The following PKHD1L1 variants were observed in gnomAD, a reference collection of about 807,000 sequenced individuals.
PKHD1L1 encodes the protein PKHD1 like 1.
A neutral mutation model predicts 462.9 loss-of-function variants in PKHD1L1; 434 were observed. The ratio of observed to expected loss-of-function variants is 0.94; its 90% CI spans 0.87 to 1.02. PKHD1L1 has a LOEUF of 1.02. PKHD1L1 is among the 50% of genes least tolerant of loss of function. The pLI is 0.00. For missense variants in PKHD1L1, 5,202 were observed against 5,096.1 expected, an observed-to-expected ratio of 1.02 and a Z score of -0.63; for synonymous variants, 1,781 against 1,750.0, an observed-to-expected ratio of 1.02 and a Z score of -0.44.
rs1242506450 is a variant in PKHD1L1, at chr8:109,451,150, G to T, written c.6350+1G>T. 6.3e-7 allele frequency: 1 copy of T among 1,598,452 alleles called. No homozygotes were observed. Among genetic ancestry groups the T allele is most frequent in the African/African-American group, 1.3e-5 (1 of 74,632 alleles). ...TGACAGTCGTGGGATCAGGATTCAG[G>T]TACTGTCTCCACACAAACACGCATC... On this transcript the variant is annotated splice_donor_variant, in intron 41 of 77. Coordinates refer to ENST00000378402, the MANE Select transcript of PKHD1L1 (RefSeq NM_177531.6). LOFTEE classifies it high-confidence loss of function.
chr8:109,517,349 CCTT>C (rs747620683), intron 72 of PKHD1L1, among the ~76,000 whole-genome samples: 10 of 151,994 alleles, frequency 6.6e-5, no homozygotes, highest in Non-Finnish European at 8.8e-5. Context: ...CTGTGAAATT[CCTT>C]CTTCTTCCTA....
intron 21 of PKHD1L1, among the ~76,000 whole-genome samples, chr8:109,415,860 AAGG>A (rs369157150): frequency 0.14 from 13,614 of 95,000 alleles, 820 homozygotes; most frequent in East Asian, 0.32. Context: ...AAAAAAAAAA[AAGG>A]GGTGTGTGTG....
chr8:109,485,481 G>A (rs1350560462), intron 58 of PKHD1L1, among the ~76,000 whole-genome samples: 1 of 151,944 alleles, frequency 6.6e-6, no homozygotes, highest in African/African-American at 2.4e-5. Context: ...GAAATTTGAG[G>A]ATCCTTGATC....
intron 31 of PKHD1L1, 35 bp downstream of exon 31, chr8:109,438,491 C>T (rs1470169953): frequency 6.7e-7 from 1 of 1,502,090 alleles, no homozygotes; most frequent in Non-Finnish European, 8.9e-7. Flanking sequence ...GTCATTTGTC[C>T]TATGTATAAA....
At position 109,464,962 on chromosome 8, in the gene PKHD1L1, C is replaced by T. The variant is rs770989608; in HGVS notation, c.8130C>T (p.Val2710=). 5 of 1,613,774 alleles carry T rather than the reference C, an allele frequency of 3.1e-6. No homozygotes were observed. Among genetic ancestry groups the T allele is most frequent in the South Asian group, 2.2e-5 (2 of 91,086 alleles). Residue 2710 remains valine, a synonymous_variant, in exon 49 of 78, where the codon GTC becomes GTT. Coordinates refer to ENST00000378402, the MANE Select transcript of PKHD1L1 (RefSeq NM_177531.6). ...CGGTGATTAAAAATGCCAAAATAGT[C>T]GGCCATCTTGATGAACTGGGAATGG... ...NGAVIKNAKI[V]GHLDELGMGS... is the part of the protein sequence containing the mutation.
chr8:109,382,857 G>T (rs2130424022), intron 4 of PKHD1L1, among the ~76,000 whole-genome samples: 2 of 150,006 alleles, frequency 1.3e-5, no homozygotes, highest in South Asian at 2.1e-4. Context: ...TCTACTCTTA[G>T]TGTGATTCTC....
At chr8:109,522,407 A>T in intron 74 of PKHD1L1, 70 bp downstream of exon 74, 3 of 1,381,572 alleles carry the variant, frequency 2.2e-6, no homozygotes, top group East Asian at 2.5e-5. Context: ...TCTTATTTTA[A>T]CTCTCTGTTT....
At chr8:109,394,194 A>AAAAAAAAAAAAAAAAAAAAAAAAAAAAAG (rs1812849459) in intron 9 of PKHD1L1, among the ~76,000 whole-genome samples, 1 of 142,146 alleles carries the variant, frequency 7.0e-6, no homozygotes, top group African/African-American at 2.5e-5. Context: ...AAAAAAAAAA[A>AAAAAAAAAAAAAAAAAAAAAAAAAAAAAG]AAAGAAATCA....
chr8:109,534,847 G>A lies in PKHD1L1; in HGVS notation c.*4757G>A, dbSNP rs533597087. On this transcript the variant is annotated 3_prime_UTR_variant, in exon 78 of 78. Coordinates refer to ENST00000378402, the MANE Select transcript of PKHD1L1 (RefSeq NM_177531.6). ...AATTCCATCATTCTGAAATTAGAAA[G>A]ATGGTCATGGAGAAACTGTTCTAAG... Among the ~76,000 whole-genome samples, 1 of 152,142 alleles carries A rather than the reference G, an allele frequency of 6.6e-6. No homozygotes were observed. Among genetic ancestry groups the A allele is most frequent in the African/African-American group, 2.4e-5 (1 of 41,532 alleles).
At position 109,523,334 on chromosome 8, in the gene PKHD1L1, T is replaced by C. The variant is rs761658284; in HGVS notation, c.12432T>C (p.Ile4144=). The change falls in exon 76 of 78, where the codon ATT becomes ATC. Residue 4144 remains isoleucine (I), a synonymous_variant. Coordinates refer to ENST00000378402, the MANE Select transcript of PKHD1L1 (RefSeq NM_177531.6). ...ATGGCCTTAGTGGAAATACAACAAT[T>C]CCGTTTAGCAGCTGTTGGGCCAACT... ...QVNGLSGNTT[I]PFSSCWANYT... 2 of 1,613,292 alleles carry C rather than the reference T, an allele frequency of 1.2e-6. No homozygotes were observed. The highest frequency in any genetic ancestry group is 2.2e-5 in the South Asian group (2 of 91,064).
At chr8:109,394,719 A>C (rs1387495638) in intron 10 of PKHD1L1, among the ~76,000 whole-genome samples, 1 of 152,196 alleles carries the variant, frequency 6.6e-6, no homozygotes, top group African/African-American at 2.4e-5. Context: ...AACTCATTAC[A>C]CTAACACAGA....
intron 76 of PKHD1L1, among the ~76,000 whole-genome samples, chr8:109,524,551 C>T (rs917510311): frequency 6.6e-6 from 1 of 152,148 alleles, no homozygotes; most frequent in Non-Finnish European, 1.5e-5. Flanking sequence ...AAAGAACCAA[C>T]CTTGTGACTA....
At chr8:109,468,790 G>A (rs1817574621) in intron 50 of PKHD1L1, among the ~76,000 whole-genome samples, 1 of 152,120 alleles carries the variant, frequency 6.6e-6, no homozygotes. Flanking sequence ...TAATATGGAA[G>A]GTCTGGTTAT....
At chr8:109,389,241 C>A in intron 8 of PKHD1L1, 89 bp downstream of exon 8, 1 of 954,606 alleles carries the variant, frequency 1.0e-6, no homozygotes, top group South Asian at 1.8e-5. Flanking sequence ...CCTCCTCTGC[C>A]CTTTTGGATC....
In PKHD1L1 at chr8:109,536,158, G is replaced by A. The variant is rs549358998; in HGVS notation, c.*6068G>A. Among the ~76,000 whole-genome samples the A allele has an allele frequency of 6.6e-6, 1 of 152,284 alleles. No homozygotes were observed. The highest frequency in any genetic ancestry group is 6.5e-5 in the Admixed American group (1 of 15,308). ...TCCATGTTGTGAGCTAAAGGGGATT[G>A]TACTGATCTTGAAGATAACAAATCT... On this transcript the variant is annotated 3_prime_UTR_variant, in exon 78 of 78. Coordinates refer to ENST00000378402, the MANE Select transcript of PKHD1L1 (RefSeq NM_177531.6).
At chr8:109,484,971 TTAA>T in intron 57 of PKHD1L1, 70 bp from the exon 58 acceptor site, 2 of 1,261,960 alleles carry the variant, frequency 1.6e-6, no homozygotes, top group Non-Finnish European at 2.2e-6. Context: ...TTTGAATGAT[TTAA>T]TAATGATATC....
chr8:109,414,744 CAGAG>C (rs1241532404), intron 21 of PKHD1L1, among the ~76,000 whole-genome samples: 2 of 151,822 alleles, frequency 1.3e-5, no homozygotes. Context: ...GACACCCAGA[CAGAG>C]AGAGTGAGAA....
rs146947279 is a variant in PKHD1L1 at position 109,380,505 on chromosome 8, T to C, written c.164-865T>C. On this transcript the variant is annotated intron_variant, in intron 2 of 77. Coordinates refer to ENST00000378402, the MANE Select transcript of PKHD1L1 (RefSeq NM_177531.6). ...TTTGTCAGTTATTCAAGGACTTGTC[T>C]AGTGCAGTAACTCCGAACTTTGGAA... 1.8e-3 allele frequency among the ~76,000 whole-genome samples: 274 copies of C among 152,320 alleles called. 2 individuals are homozygous for C. The highest frequency in any genetic ancestry group is 6.3e-3 in the African/African-American group (262 of 41,570).
intron 23 of PKHD1L1, among the ~76,000 whole-genome samples, chr8:109,424,575 G>C (rs146940565): frequency 6.6e-6 from 1 of 151,956 alleles, no homozygotes; most frequent in Non-Finnish European, 1.5e-5. Context: ...TGCTGCTTCT[G>C]TCAATTGATT....
Sources: allele counts gnomAD v4.1 joint callset (sites outside exome capture counted in the v4.1 genomes callset), GRCh38; gene constraint gnomAD v4.1.1; transcripts MANE v1.5; gene names NCBI Gene and HGNC (gene_info 2026-07-23, HGNC 2026-07-21).